The following ACACB variants were observed in gnomAD, a reference collection of about 807,000 sequenced individuals.
ACACB encodes the protein acetyl-CoA carboxylase beta.
A neutral mutation model predicts 278.8 loss-of-function variants in ACACB; 209 were observed. That is an observed-to-expected ratio of 0.75 (90% confidence interval 0.67 to 0.84). The LOEUF (loss-of-function observed/expected upper bound fraction) is 0.84. ACACB is among the 40% of genes least tolerant of loss of function. The pLI is 0.00. For synonymous variants in ACACB, 1,174 were observed against 1,285.6 expected (o/e 0.91, Z 1.86); for missense variants, 2,850 against 3,269.0 (o/e 0.87, Z 3.13).
At position 109,246,329 on chromosome 12, in the gene ACACB, C is replaced by G; in HGVS notation, c.5452C>G (p.Arg1818Gly). The G allele has an allele frequency of 6.2e-7, 1 of 1,612,826 alleles. No homozygotes were observed. The highest frequency in any genetic ancestry group is 8.5e-7 in the Non-Finnish European group (1 of 1,179,796). Residue 1818 changes from arginine to glycine, a missense_variant, in exon 39 of 53, where the codon CGG becomes GGG. Physicochemically the swap from Arg to Gly is moderately radical, Grantham distance 125. Around this residue, in one of 3 missense-constraint regions of ACACB, gnomAD observed 2,265 missense variants for 2,561.3 expected, o/e 0.88. Transcript: ENST00000338432. ...GTACCTGCGGGCATCCGAGATGGCCCGGGCAGAGGGCATTCCCAAAATTTA... is the reference window on the plus strand; with the variant it reads ...GTACCTGCGGGCATCCGAGATGGCCGGGGCAGAGGGCATTCCCAAAATTTA... ...LLYLRASEMA[R>G]AEGIPKIYVA...
At chr12:109,243,671 T>G (rs1270163085) in intron 37 of ACACB, among the ~76,000 whole-genome samples, 1 of 152,132 alleles carries the variant, frequency 6.6e-6, no homozygotes, top group Admixed American at 6.5e-5. Flanking sequence ...CATAGGAAAC[T>G]ATGGAAAGGT....
intron 1 of ACACB, among the ~76,000 whole-genome samples, chr12:109,129,588 A>G (rs1211004616): frequency 6.6e-6 from 1 of 152,212 alleles, no homozygotes; most frequent in Non-Finnish European, 1.5e-5. Flanking sequence ...AGTCCTTAGG[A>G]GCATCCTCAC....
intron 28 of ACACB, among the ~76,000 whole-genome samples, chr12:109,230,940 C>T (rs537873720): frequency 7.9e-5 from 12 of 152,302 alleles, no homozygotes; most frequent in African/African-American, 2.6e-4. Context: ...CATGATTGCT[C>T]TCAGTGCCAG....
chr12:109,237,708 T>C (rs181776702), intron 34 of ACACB, among the ~76,000 whole-genome samples: 22 of 152,262 alleles, frequency 1.4e-4, no homozygotes, highest in Admixed American at 6.5e-5. Context: ...CATTGTTTCT[T>C]GCATTTAGAA....
intron 7 of ACACB, among the ~76,000 whole-genome samples, chr12:109,174,921 A>G (rs974266639): frequency 6.6e-6 from 1 of 152,044 alleles, no homozygotes; most frequent in Admixed American, 6.6e-5. Context: ...TTTTTTCCTC[A>G]CTAATGAATA....
chr12:109,212,126 C>T (rs2045866818), intron 21 of ACACB, among the ~76,000 whole-genome samples: 1 of 152,050 alleles, frequency 6.6e-6, no homozygotes, highest in African/African-American at 2.4e-5. Flanking sequence ...GAATTCCTCA[C>T]CGTTGAGGGG....
rs1219770419 is a variant in ACACB at position 109,241,135 on chromosome 12, C to T, written c.4876C>T (p.Arg1626Cys). The stretch of plus-strand genomic sequence containing the variant: ...CTACGGCAGCCGGCTGTGGAAACTC[C>T]GTGTGCTACAGGCTGAGGTCAAGAT... The part of the protein sequence containing the change: ...MRYGSRLWKL[R>C]VLQAEVKINI... The change falls in exon 36 of 53, where the codon CGT becomes TGT. Residue 1626 changes from arginine to cysteine, a missense_variant. By Grantham distance (180) the Arg-to-Cys change is radical. This residue lies in a region of ACACB where 2,265 missense variants were observed against 2,561.3 expected (regional missense o/e 0.88). Coordinates refer to ENST00000338432, the MANE Select transcript of ACACB (RefSeq NM_001093.4). The T allele has an allele frequency of 4.3e-6, 7 of 1,613,990 alleles. No individual in the cohort carries two copies. In the Admixed American group the frequency reaches 6.7e-5, roughly 15 times the overall value.
chr12:109,128,870 G>A (rs557402014), intron 1 of ACACB, among the ~76,000 whole-genome samples: 5 of 151,616 alleles, frequency 3.3e-5, no homozygotes, highest in Admixed American at 6.6e-5. Context: ...ACTGCTGGGC[G>A]CAAACAATCC....
chr12:109,237,424 C>A, intron 34 of ACACB, 44 bp downstream of exon 34: 1 of 1,553,944 alleles, frequency 6.4e-7, no homozygotes, highest in African/African-American at 1.4e-5. Flanking sequence ...GAACCTGGCC[C>A]TCCCTTCCTT....
At chr12:109,163,546 C>T (rs2136138859) in intron 2 of ACACB, among the ~76,000 whole-genome samples, 1 of 152,116 alleles carries the variant, frequency 6.6e-6, no homozygotes, top group South Asian at 2.1e-4. Flanking sequence ...AATGCATAAA[C>T]CAGTAGGCCA....
chr12:109,193,860 C>A, intron 16 of ACACB, 131 bp downstream of exon 16: 1 of 749,280 alleles, frequency 1.3e-6, no homozygotes, highest in Non-Finnish European at 2.2e-6. Flanking sequence ...CTCGGGAATC[C>A]CCATGTAGTC....
intron 28 of ACACB, among the ~76,000 whole-genome samples, chr12:109,232,404 G>C (rs936356915): frequency 1.1e-4 from 17 of 152,194 alleles, no homozygotes; most frequent in Non-Finnish European, 2.1e-4. Context: ...CTCCCCTCGG[G>C]ACTGTGTTGA....
At chr12:109,168,147 A>G (rs1455743653) in intron 4 of ACACB, 113 bp downstream of exon 4, 5 of 1,147,198 alleles carry the variant, frequency 4.4e-6, no homozygotes, top group Non-Finnish European at 6.1e-6. Context: ...AGGACCTCTC[A>G]TGAGTCTGTA....
intron 43 of ACACB, among the ~76,000 whole-genome samples, chr12:109,253,384 A>G (rs965971798): frequency 6.6e-6 from 1 of 152,062 alleles, no homozygotes; most frequent in African/African-American, 2.4e-5. Context: ...TAAGGATGCT[A>G]TCTGTTAATC....
At chr12:109,257,812 C>A (rs1021772920) in intron 45 of ACACB, among the ~76,000 whole-genome samples, 32 of 152,192 alleles carry the variant, frequency 2.1e-4, no homozygotes, top group African/African-American at 7.0e-4. Context: ...CTCAAGCAAT[C>A]CTCCTGCTTC....
chr12:109,245,534 C>T lies in ACACB; in HGVS notation c.5179-92C>T, dbSNP rs545236993. On this transcript the variant is annotated intron_variant, in intron 37 of 52. Coordinates refer to ENST00000338432, the MANE Select transcript of ACACB (RefSeq NM_001093.4). ...AGAGAGAGTGAACTACAGAATTCAC[C>T]CTGGAATCATGACAGATCATCTCTG... 11 of 1,372,130 alleles carry T rather than the reference C, an allele frequency of 8.0e-6. 1 individual carries two copies. The South Asian group carries it at 1.2e-4, about 15-fold the overall frequency. The allele number at this position is 1,372,130 out of a possible 1,614,324, so 85.0% of individuals were successfully genotyped here. A position where few individuals can be genotyped will look rare whatever the true frequency, so the allele number is the denominator to read the frequency against.
At chr12:109,226,449 C>T (rs949596124) in intron 27 of ACACB, among the ~76,000 whole-genome samples, 1 of 152,224 alleles carries the variant, frequency 6.6e-6, no homozygotes, top group Admixed American at 6.5e-5. Flanking sequence ...CCTGTAATCC[C>T]AGCACTTTGG....
chr12:109,143,946 C>T (rs886257766), intron 2 of ACACB, among the ~76,000 whole-genome samples: 3 of 151,946 alleles, frequency 2.0e-5, no homozygotes, highest in Non-Finnish European at 2.9e-5. Context: ...GTGGGAGGAT[C>T]CCTTGAGCCC....
chr12:109,212,549 C>T (rs139174211), intron 21 of ACACB, among the ~76,000 whole-genome samples: 45 of 152,174 alleles, frequency 3.0e-4, no homozygotes, highest in African/African-American at 5.5e-4. Flanking sequence ...CTAGGTCCCT[C>T]GCATGCACGG....
Sources: allele counts gnomAD v4.1 joint callset (sites outside exome capture counted in the v4.1 genomes callset), GRCh38; gene constraint gnomAD v4.1.1; regional missense constraint gnomAD v4.1.1; transcripts MANE v1.5; gene names NCBI Gene and HGNC (gene_info 2026-07-23, HGNC 2026-07-21).